The following BRCA1 variants were observed in gnomAD, a reference collection of about 807,000 sequenced individuals.
The protein encoded by BRCA1 is BRCA1 DNA repair associated.
BRCA1 carries 140 observed loss-of-function variants against 173.7 expected under a neutral mutation model. That is an observed-to-expected ratio of 0.81 (90% confidence interval 0.70 to 0.93). The LOEUF (loss-of-function observed/expected upper bound fraction) is 0.93, where lower values mean the gene tolerates loss of function less well. Among genes scored for constraint, BRCA1 ranks in the 40% least tolerant of loss-of-function variants. BRCA1 has a pLI of 0.00. For missense variants in BRCA1, 1,983 were observed against 2,172.5 expected, an observed-to-expected ratio of 0.91 and a Z score of 1.73; for synonymous variants, 662 against 756.0, an observed-to-expected ratio of 0.88 and a Z score of 2.04.
At chr17:43,132,174 C>A (rs2055972567) in intron 1 of BRCA1, among the ~76,000 whole-genome samples, 1 of 152,174 alleles carries the variant, frequency 6.6e-6, no homozygotes, top group African/African-American at 2.4e-5. Flanking sequence ...TTGGTACTTG[C>A]CTGAGGTCAC....
At chr17:43,137,922 C>T (rs148704071) in intron 1 of BRCA1, among the ~76,000 whole-genome samples, 1,834 of 152,100 alleles carry the variant, frequency 0.012, 19 homozygotes, top group Non-Finnish European at 0.017. Context: ...CGCGGTGTCT[C>T]GCACCTGTAA....
At chr17:43,115,679 CAA>C (rs1279671279) in intron 3 of BRCA1, 45 bp downstream of exon 3, 2 of 1,585,126 alleles carry the variant, frequency 1.3e-6, no homozygotes, top group Admixed American at 1.7e-5. Flanking sequence ...TTATGAAGGA[CAA>C]AAACAAAAGC....
At chr17:43,100,672 ATATAT>A in intron 6 of BRCA1, among the ~76,000 whole-genome samples, 1 of 18,512 alleles carries the variant, frequency 5.4e-5, no homozygotes, top group African/African-American at 3.8e-4. Context: ...ATATATATAT[ATATAT>A]AATATATATA....
intron 2 of BRCA1, among the ~76,000 whole-genome samples, chr17:43,117,667 A>C (rs2055357720): frequency 6.6e-6 from 1 of 152,072 alleles, no homozygotes; most frequent in East Asian, 1.9e-4. Flanking sequence ...TGAACCGGGG[A>C]AGTGCACGTT....
intron 19 of BRCA1, among the ~76,000 whole-genome samples, chr17:43,054,382 T>C (rs969396971): frequency 1.3e-5 from 2 of 152,232 alleles, no homozygotes; most frequent in African/African-American, 4.8e-5. Flanking sequence ...CTTAGGAAAT[T>C]ACCTCTACTG....
At chr17:43,063,793 A>G in intron 17 of BRCA1, 81 bp downstream of exon 17, 1 of 1,151,134 alleles carries the variant, frequency 8.7e-7, no homozygotes, top group Non-Finnish European at 1.3e-6. Flanking sequence ...ATCAGCAAAA[A>G]CCTTAGGTGT....
chr17:43,144,873 G>A, intron 1 of BRCA1: 1 of 521,490 alleles, frequency 1.9e-6, no homozygotes, highest in Non-Finnish European at 3.7e-6. Flanking sequence ...AGGAGTGGCA[G>A]CGGCCAGGCA....
In BRCA1 at chr17:43,067,689, C is replaced by T. The variant is rs80357169; in HGVS notation, c.4993G>A (p.Val1665Met). Reference protein sequence around the residue: ...SGLTPEEFMLVYKFARKHHIT... With the variant: ...SGLTPEEFMLMYKFARKHHIT... ...TGGTGTTTTCTGGCAAACTTGTACA[C>T]GAGCATCTGAAATTAAATCAAATAT... The change falls in exon 16 of 23, where the codon GTG (valine) becomes ATG (methionine). Residue 1665 changes from valine to methionine, a missense_variant. Transcript: ENST00000357654. 14 of 1,610,858 alleles carry T rather than the reference C, an allele frequency of 8.7e-6. No individual in the cohort carries two copies. The highest frequency in any genetic ancestry group is 3.3e-5 in the Admixed American group (2 of 59,986).
At chr17:43,146,299 CTTTTTTTTTTTT>C (rs774223347) in intron 1 of BRCA1, among the ~76,000 whole-genome samples, 3 of 76,114 alleles carry the variant, frequency 3.9e-5, no homozygotes, top group Non-Finnish European at 7.0e-5. Context: ...ATTTTTGTTA[CTTTTTTTTTTTT>C]TTTTTTTTTT....
chr17:43,107,382 AT>A (rs762948688), intron 3 of BRCA1, among the ~76,000 whole-genome samples: 4,161 of 118,450 alleles, frequency 0.035, 77 homozygotes, highest in South Asian at 0.078. Context: ...TATTTTCTTA[AT>A]TTTTTTTTTT....
chr17:43,099,301 G>A (rs1477334752), intron 7 of BRCA1, among the ~76,000 whole-genome samples: 5 of 145,348 alleles, frequency 3.4e-5, no homozygotes, highest in Admixed American at 6.9e-5. Flanking sequence ...ATGGAGTTTC[G>A]CTATTTTTGC....
intron 11 of BRCA1, among the ~76,000 whole-genome samples, chr17:43,088,927 T>C (rs2053335911): frequency 6.6e-6 from 1 of 152,192 alleles, no homozygotes; most frequent in East Asian, 1.9e-4. Flanking sequence ...AGTTGTCAAT[T>C]TAGTGGGAGA....
chr17:43,135,406 A>C (rs997498139), intron 1 of BRCA1, among the ~76,000 whole-genome samples: 10 of 152,182 alleles, frequency 6.6e-5, no homozygotes, highest in Non-Finnish European at 8.8e-5. Flanking sequence ...CACCAATCCA[A>C]TGCATGCACC....
chr17:43,073,170 C>A (rs1253653564), intron 14 of BRCA1, among the ~76,000 whole-genome samples: 1 of 151,862 alleles, frequency 6.6e-6, no homozygotes, highest in African/African-American at 2.4e-5. Context: ...GTGTCTAACC[C>A]CACCCCAAAT....
rs1555593622 is a variant in BRCA1 at position 43,095,921 on chromosome 17, C to T, written c.595G>A (p.Val199Met). The T allele has an allele frequency of 6.2e-7, 1 of 1,610,892 alleles. No individual in the cohort carries two copies. Among genetic ancestry groups the T allele is most frequent in the Non-Finnish European group, 8.5e-7 (1 of 1,177,370 alleles). Residue 199 changes from valine (V) to methionine (M), a missense_variant and splice_region_variant, in exon 9 of 23, where the codon GTG becomes ATG. Val to Met is a conservative substitution (Grantham distance 21, BLOSUM62 1). Transcript: ENST00000357654. The stretch of plus-strand genomic sequence containing the variant: ...ATTTGTAACAATTCTTGATCTCCCA[C>T]ACTATAGGGAAAAGACAGAGTCCTA... ...DTVNKATYCS[V>M]GDQELLQITP...
At position 43,059,229 on chromosome 17, in the gene BRCA1, C is replaced by T. The variant is rs893261870; in HGVS notation, c.5194-2094G>A. 2.5e-4 allele frequency among the ~76,000 whole-genome samples: 38 copies of T among 152,146 alleles called. 1 individual carries two copies. Among genetic ancestry groups the T allele is most frequent in the African/African-American group, 6.3e-4 (26 of 41,510 alleles). The stretch of plus-strand genomic sequence containing the variant: ...CTGCAATCCCAGCACTTTGGGAGGC[C>T]GAGGTGGGTGGATTACCTGAGGTCA... On this transcript the variant is annotated intron_variant, in intron 18 of 22. Transcript: ENST00000357654.
chr17:43,148,177 A>G (rs2056135704), intron 1 of BRCA1, among the ~76,000 whole-genome samples: 1 of 152,142 alleles, frequency 6.6e-6, no homozygotes, highest in South Asian at 2.1e-4. Flanking sequence ...GTAATCCCAG[A>G]TACTCAGGAG....
chr17:43,107,082 T>TTTTTA (rs2054824329), intron 3 of BRCA1, among the ~76,000 whole-genome samples: 1 of 150,488 alleles, frequency 6.6e-6, no homozygotes, highest in Non-Finnish European at 1.5e-5. Context: ...TTTTTTTTTT[T>TTTTTA]GAGACGGAGT....
At chr17:43,074,182 A>G in intron 14 of BRCA1, 149 bp downstream of exon 14, 1 of 678,220 alleles carries the variant, frequency 1.5e-6, no homozygotes, top group South Asian at 1.9e-5. Flanking sequence ...TTAACACTTG[A>G]GCTATTTTTC....
Sources: allele counts gnomAD v4.1 joint callset (sites outside exome capture counted in the v4.1 genomes callset), GRCh38; gene constraint gnomAD v4.1.1; transcripts MANE v1.5; gene names NCBI Gene and HGNC (gene_info 2026-07-23, HGNC 2026-07-21).